DLG3: variants seen among roughly 807,000 people sequenced by gnomAD.
DLG3 encodes disks large homolog 3.
Under a neutral mutation model 64.1 loss-of-function variants are expected in DLG3, and 1 was observed. That is an observed-to-expected ratio of 0.02 (90% CI 0.01 to 0.07). The LOEUF is 0.07. Among genes scored for constraint, DLG3 ranks in the 10% least tolerant of loss-of-function variants. DLG3 has a pLI of 1.00. For synonymous variants in DLG3, 245 were observed against 259.8 expected, an observed-to-expected ratio of 0.94 and a Z score of 0.55; for missense variants, 429 against 669.5, an observed-to-expected ratio of 0.64 and a Z score of 3.96.
At chrX:70,450,445 C>A in intron 5 of DLG3, 140 bp downstream of exon 5, 1 of 967,897 alleles carries the variant, frequency 1.0e-6, no homozygotes, top group South Asian at 2.3e-5. Context: ...TGTGTTTGCC[C>A]AGATACAAAG....
intron 10 of DLG3, among the ~76,000 whole-genome samples, chrX:70,487,640 G>A (rs1347081695): frequency 9.0e-6 from 1 of 111,486 alleles, no homozygotes; most frequent in Non-Finnish European, 1.9e-5. Flanking sequence ...CACATACTCC[G>A]TATAAAGAAG....
chrX:70,476,018 C>T (rs895775411), intron 9 of DLG3, among the ~76,000 whole-genome samples: 2 of 111,641 alleles, frequency 1.8e-5, no homozygotes, highest in Non-Finnish European at 3.8e-5. Flanking sequence ...GATTCCTGGG[C>T]CCCTGCTCAG....
rs1410799794 is a variant in DLG3 at position 70,498,559 on chromosome X, C to G, written c.1859C>G (p.Thr620Arg). 1 of 1,206,146 alleles carries G rather than the reference C, an allele frequency of 8.3e-7. No homozygotes were observed. The highest frequency in any genetic ancestry group is 1.1e-6 in the Non-Finnish European group (1 of 892,973). Residue 620 changes from threonine (T) to arginine (R), a missense_variant, in exon 14 of 19, where the codon ACA becomes AGA. Coordinates refer to ENST00000374360, the MANE Select transcript of DLG3 (RefSeq NM_021120.4). Reference protein sequence around the residue: ...EDAILSYEPVTRQEIHYARPV... With the variant: ...EDAILSYEPVRRQEIHYARPV... Reference sequence around the variant, plus strand: ...GCTATTTTGTCATATGAGCCAGTGACACGGCAAGAAAGTAAGCCTCCTCTG... The same window carrying G: ...GCTATTTTGTCATATGAGCCAGTGAGACGGCAAGAAAGTAAGCCTCCTCTG...
intron 9 of DLG3, among the ~76,000 whole-genome samples, chrX:70,457,433 A>G (rs1359700387): frequency 8.9e-6 from 1 of 112,467 alleles, no homozygotes. Context: ...TAATAGAACA[A>G]TCAGAGTAAG....
At chrX:70,452,318 C>T (rs1462072583) in intron 7 of DLG3, 4 of 1,023,186 alleles carry the variant, frequency 3.9e-6, no homozygotes, top group South Asian at 3.4e-5. Flanking sequence ...GCTGAGGAGG[C>T]GAGGGCAGCG....
intron 9 of DLG3, among the ~76,000 whole-genome samples, chrX:70,462,233 T>C (rs1358945709): frequency 4.3e-5 from 4 of 93,338 alleles, no homozygotes; most frequent in African/African-American, 1.5e-4. Flanking sequence ...TAATTCCTTT[T>C]TCTTTCTTTC....
chrX:70,468,398 C>G (rs2086919120), intron 9 of DLG3, among the ~76,000 whole-genome samples: 1 of 111,745 alleles, frequency 8.9e-6, no homozygotes, highest in African/African-American at 3.3e-5. Context: ...CTCAGTAGCT[C>G]TTCTTGCATC....
chrX:70,449,981 C>G (rs2086601973), intron 4 of DLG3, 122 bp downstream of exon 4: 5 of 1,014,279 alleles, frequency 4.9e-6, no homozygotes, highest in Non-Finnish European at 5.4e-6. Flanking sequence ...TTCCAACTCA[C>G]AGCCTACTTT....
chrX:70,492,414 C>T (rs1315551734), intron 11 of DLG3, 107 bp from the exon 12 acceptor site: 2 of 1,117,876 alleles, frequency 1.8e-6, no homozygotes, highest in East Asian at 6.1e-5. Context: ...CGGTACTCAA[C>T]ATGGTTTTTA....
chrX:70,449,872 A>G lies in DLG3; in HGVS notation c.703+13A>G, dbSNP rs1271706088. 85 of 1,171,266 alleles carry G rather than the reference A, an allele frequency of 7.3e-5. No individual in the cohort carries two copies. The highest frequency in any genetic ancestry group is 9.4e-5 in the Non-Finnish European group (82 of 875,051). ...AAAGGGCCCAAAGGTGCGGCCCTCC[A>G]GGTTCCTGTGCTCCAGCCAGAGCCT... On this transcript the variant is annotated intron_variant, in intron 4 of 18. Coordinates refer to ENST00000374360, the MANE Select transcript of DLG3 (RefSeq NM_021120.4).
chrX:70,499,093 T>A, intron 14 of DLG3, 83 bp from the exon 15 acceptor site: 2 of 675,407 alleles, frequency 3.0e-6, no homozygotes, highest in Admixed American at 4.9e-5. Context: ...CTCCAGAGCC[T>A]CTGTGTTCTA....
At chrX:70,456,951 A>G (rs986479631) in intron 9 of DLG3, among the ~76,000 whole-genome samples, 2 of 112,078 alleles carry the variant, frequency 1.8e-5, no homozygotes, top group Non-Finnish European at 3.8e-5. Context: ...TGAATAATCC[A>G]AATACATGTA....
chrX:70,463,834 G>A (rs887514075), intron 9 of DLG3, among the ~76,000 whole-genome samples: 1 of 110,974 alleles, frequency 9.0e-6, no homozygotes, highest in African/African-American at 3.3e-5. Context: ...AAGTGGTAGT[G>A]AGTTGTGAAT....
At chrX:70,458,386 A>G (rs1047647608) in intron 9 of DLG3, among the ~76,000 whole-genome samples, 24 of 112,290 alleles carry the variant, frequency 2.1e-4, no homozygotes, top group African/African-American at 7.8e-4. Flanking sequence ...ATTGCTTCCT[A>G]ATGTTCCTCC....
chrX:70,481,308 A>G (rs1261892759), intron 10 of DLG3, among the ~76,000 whole-genome samples: 6 of 112,236 alleles, frequency 5.3e-5, no homozygotes, highest in Non-Finnish European at 1.1e-4. Flanking sequence ...AGTCCCTTAA[A>G]CTATTGTCTT....
At chrX:70,455,116 T>TCAC (rs2086680942) in intron 9 of DLG3, 2 of 712,747 alleles carry the variant, frequency 2.8e-6, no homozygotes, top group Middle Eastern at 8.1e-4. Flanking sequence ...GCCTCAGGCG[T>TCAC]CTCCTCCTCC....
intron 10 of DLG3, among the ~76,000 whole-genome samples, chrX:70,480,787 A>AGTTT (rs2087140529): frequency 8.9e-6 from 1 of 112,123 alleles, no homozygotes; most frequent in Non-Finnish European, 1.9e-5. Flanking sequence ...TAGGCAAGAC[A>AGTTT]GTTTCTTTGG....
rs1234439239 is a variant in DLG3, at chrX:70,445,261, C to T, written c.60C>T (p.Ala20=). ...CPECYEVTRL[A]ALRRLEPPGY... ...AGTGCTATGAGGTGACCCGCCTGGC[C>T]GCCCTGCGGCGCCTCGAGCCTCCGG... Residue 20 remains alanine (A), a synonymous_variant, in exon 1 of 19, where the codon GCC becomes GCT. Coordinates refer to ENST00000374360, the MANE Select transcript of DLG3 (RefSeq NM_021120.4). 9.4e-6 allele frequency: 11 copies of T among 1,164,450 alleles called. No homozygotes were observed. In the East Asian group the frequency reaches 2.9e-4, roughly 31 times the overall value.
chrX:70,502,466 T>G lies in DLG3; in HGVS notation c.*197T>G. The stretch of plus-strand genomic sequence containing the variant: ...TTTTTGTTTGTTTCAGTTTATTTTT[T>G]GGGATGATGCCATCTCATTCATCAT... On this transcript the variant is annotated 3_prime_UTR_variant, in exon 19 of 19. Coordinates refer to ENST00000374360, the MANE Select transcript of DLG3 (RefSeq NM_021120.4). 1 of 398,359 alleles carries G rather than the reference T, an allele frequency of 2.5e-6. No homozygotes were observed. Among genetic ancestry groups the G allele is most frequent in the East Asian group, 4.3e-5 (1 of 23,186 alleles). The allele number at this position is 398,359 out of a possible 1,213,427, so 32.8% of individuals were successfully genotyped here. A position where few individuals can be genotyped will look rare whatever the true frequency, so the allele number is the denominator to read the frequency against.
Sources: allele counts gnomAD v4.1 joint callset (sites outside exome capture counted in the v4.1 genomes callset), GRCh38; gene constraint gnomAD v4.1.1; transcripts MANE v1.5; gene names NCBI Gene and HGNC (gene_info 2026-07-23, HGNC 2026-07-21).